The following CSMD3 variants were observed in gnomAD, a reference collection of about 807,000 sequenced individuals.
The protein encoded by CSMD3 is CUB and Sushi multiple domains 3.
Under a neutral mutation model 435.2 loss-of-function variants are expected in CSMD3, and 177 were observed. That is an observed-to-expected ratio of 0.41 (90% CI 0.36 to 0.46). CSMD3 has a LOEUF of 0.46. Among genes scored for constraint, CSMD3 ranks in the 20% least tolerant of loss-of-function variants. CSMD3 has a pLI of 0.34. For synonymous variants in CSMD3, 1,656 were observed against 1,520.5 expected (o/e 1.09, Z -2.07); for missense variants, 4,265 against 4,504.6 (o/e 0.95, Z 1.52).
At chr8:113,103,835 G>C (rs534833372) in intron 4 of CSMD3, among the ~76,000 whole-genome samples, 1 of 151,760 alleles carries the variant, frequency 6.6e-6, no homozygotes, top group Non-Finnish European at 1.5e-5. Context: ...AAAGTGAAAA[G>C]GTTTTTAAAA....
chr8:112,510,630 T>G (rs1823020036), intron 28 of CSMD3, among the ~76,000 whole-genome samples: 1 of 152,188 alleles, frequency 6.6e-6, no homozygotes, highest in African/African-American at 2.4e-5. Flanking sequence ...TTATTGTATT[T>G]GTTTTTAATA....
chr8:112,580,686 G>A (rs1830276672), intron 23 of CSMD3, among the ~76,000 whole-genome samples: 1 of 152,062 alleles, frequency 6.6e-6, no homozygotes, highest in Middle Eastern at 3.2e-3. Flanking sequence ...AGAGCTGGTA[G>A]ATGCAAAGAG....
chr8:112,419,206 C>T (rs1812221634), intron 32 of CSMD3, among the ~76,000 whole-genome samples: 1 of 148,318 alleles, frequency 6.7e-6, no homozygotes, highest in East Asian at 2.2e-4. Flanking sequence ...AACATACTAA[C>T]TCACAGTGAG....
At position 112,277,304 on chromosome 8, in the gene CSMD3, G is replaced by C. The variant is rs373306238; in HGVS notation, c.9508+3870C>G. Among the ~76,000 whole-genome samples, 23 of 152,218 alleles carry C rather than the reference G, an allele frequency of 1.5e-4. 1 individual carries two copies. The highest frequency in any genetic ancestry group is 5.3e-4 in the African/African-American group (22 of 41,536). On this transcript the variant is annotated intron_variant, in intron 59 of 70. Coordinates refer to ENST00000297405, the MANE Select transcript of CSMD3 (RefSeq NM_198123.2). ...GTAAATCATCTCCCTCAAGTTCAAA[G>C]TTCCACAAATCTCTAGGGCAAGGGC... is the stretch of plus-strand genomic sequence containing the variant.
At chr8:112,558,249 C>A (rs747209198) in intron 24 of CSMD3, among the ~76,000 whole-genome samples, 1 of 151,744 alleles carries the variant, frequency 6.6e-6, no homozygotes, top group Non-Finnish European at 1.5e-5. Context: ...ACCTCTCCCC[C>A]AAAGCGAGCC....
intron 17 of CSMD3, among the ~76,000 whole-genome samples, chr8:112,659,254 A>G (rs2075324633): frequency 1.3e-5 from 2 of 152,166 alleles, no homozygotes; most frequent in African/African-American, 4.8e-5. Context: ...TAACAAGCAA[A>G]ATGGGATAGG....
chr8:113,399,763 C>T (rs969283854), intron 1 of CSMD3, among the ~76,000 whole-genome samples: 3 of 151,754 alleles, frequency 2.0e-5, no homozygotes, highest in Non-Finnish European at 4.4e-5. Flanking sequence ...ACAACCCCTC[C>T]ATATACTCAG....
At chr8:112,629,857 C>T (rs571402126) in intron 22 of CSMD3, among the ~76,000 whole-genome samples, 3 of 152,136 alleles carry the variant, frequency 2.0e-5, no homozygotes, top group Non-Finnish European at 4.4e-5. Context: ...ATGGCTTTCT[C>T]CTCATCACTC....
intron 4 of CSMD3, among the ~76,000 whole-genome samples, chr8:113,103,280 T>G (rs1046258596): frequency 6.6e-6 from 1 of 152,120 alleles, no homozygotes; most frequent in Non-Finnish European, 1.5e-5. Context: ...ATACAGATAA[T>G]ACAGTGAGTA....
chr8:112,478,087 T>A (rs1474035394), intron 31 of CSMD3, among the ~76,000 whole-genome samples: 1 of 152,154 alleles, frequency 6.6e-6, no homozygotes, highest in Non-Finnish European at 1.5e-5. Flanking sequence ...CCACGTAAAA[T>A]GTGACTTGCT....
In CSMD3 at chr8:112,398,030, A is replaced by T. The variant is rs186174766; in HGVS notation, c.5810-7242T>A. Among the ~76,000 whole-genome samples the T allele has an allele frequency of 1.2e-3, 180 of 152,286 alleles. 4 individuals are homozygous for T. The East Asian group carries it at 0.033, about 28-fold the overall frequency. On this transcript the variant is annotated intron_variant, in intron 35 of 70. Coordinates refer to ENST00000297405, the MANE Select transcript of CSMD3 (RefSeq NM_198123.2). ...GCTATGAGTCTGTAAAATCAAACAAACTATCTACTTTCAAAACACAATGAT... is the reference window on the plus strand; with the variant it reads ...GCTATGAGTCTGTAAAATCAAACAATCTATCTACTTTCAAAACACAATGAT...
At chr8:112,681,582 T>G (rs1157849276) in intron 16 of CSMD3, among the ~76,000 whole-genome samples, 1 of 151,994 alleles carries the variant, frequency 6.6e-6, no homozygotes, top group Non-Finnish European at 1.5e-5. Flanking sequence ...TATACAAAAA[T>G]AGGCCAAGAG....
intron 38 of CSMD3, among the ~76,000 whole-genome samples, chr8:112,376,687 T>A (rs985537660): frequency 6.6e-6 from 1 of 152,182 alleles, no homozygotes; most frequent in African/African-American, 2.4e-5. Context: ...CCAGCATCAG[T>A]GTAGGTATAC....
chr8:113,345,931 A>G (rs922787609), intron 1 of CSMD3, among the ~76,000 whole-genome samples: 9 of 151,762 alleles, frequency 5.9e-5, no homozygotes, highest in African/African-American at 2.2e-4. Flanking sequence ...GTTTTTAACC[A>G]TTTCATTTTT....
At chr8:113,099,098 A>AGCT in intron 4 of CSMD3, 135 bp from the exon 5 acceptor site, 1 of 669,544 alleles carries the variant, frequency 1.5e-6, no homozygotes, top group South Asian at 1.6e-5. Flanking sequence ...ATATACTAAT[A>AGCT]GAGATTAAAT....
chr8:112,500,196 G>C (rs901653357), intron 30 of CSMD3, among the ~76,000 whole-genome samples: 2 of 151,868 alleles, frequency 1.3e-5, no homozygotes, highest in Non-Finnish European at 2.9e-5. Flanking sequence ...AAATAACATA[G>C]ATAAAAGCAA....
intron 5 of CSMD3, among the ~76,000 whole-genome samples, chr8:113,059,299 C>A (rs542897517): frequency 3.4e-4 from 52 of 152,198 alleles, no homozygotes; most frequent in African/African-American, 1.2e-3. Context: ...ACTAATCTAG[C>A]ACCTGGAAAA....
intron 4 of CSMD3, among the ~76,000 whole-genome samples, chr8:113,134,375 T>C: frequency 6.6e-6 from 1 of 152,062 alleles, no homozygotes; most frequent in South Asian, 2.1e-4. Context: ...CAATGTTCTA[T>C]ATGTATTAGA....
intron 22 of CSMD3, among the ~76,000 whole-genome samples, chr8:112,610,132 A>G (rs1334318647): frequency 6.6e-6 from 1 of 152,152 alleles, no homozygotes; most frequent in East Asian, 1.9e-4. Context: ...TTGTATTATA[A>G]GCTTAAAATT....
Sources: gnomAD v4.1 joint callset for allele counts (sites outside exome capture counted in the v4.1 genomes callset) on GRCh38, gnomAD v4.1.1 for gene constraint, MANE v1.5 for transcripts, NCBI Gene and HGNC (gene_info 2026-07-23, HGNC 2026-07-21) for gene names.